The following ST8SIA1 variants were observed in gnomAD, a reference collection of about 807,000 sequenced individuals.
ST8SIA1 encodes the protein alpha-N-acetylneuraminide alpha-2,8-sialyltransferase.
In ST8SIA1, 16 loss-of-function variants were observed where a neutral mutation model predicts 35.9. The ratio of observed to expected loss-of-function variants is 0.45; its 90% confidence interval spans 0.30 to 0.68. The LOEUF is 0.68. Among genes scored for constraint, ST8SIA1 ranks in the 30% least tolerant of loss-of-function variants. ST8SIA1 has a pLI of 0.09. For synonymous variants in ST8SIA1, 170 were observed against 169.6 expected (o/e 1.00, Z -0.02); for missense variants, 383 against 453.6 (o/e 0.84, Z 1.41).
At chr12:22,272,815 T>TCACTG (rs1359586680) in intron 2 of ST8SIA1, among the ~76,000 whole-genome samples, 1 of 152,236 alleles carries the variant, frequency 6.6e-6, no homozygotes, top group Non-Finnish European at 1.5e-5. Flanking sequence ...TTTTGCTCTG[T>TCACTG]CACTGCACTC....
At chr12:22,207,797 C>G (rs1865129583) in intron 4 of ST8SIA1, among the ~76,000 whole-genome samples, 2 of 151,816 alleles carry the variant, frequency 1.3e-5, no homozygotes, top group African/African-American at 4.8e-5. Flanking sequence ...ATTCACAAGT[C>G]CACAATCATA....
chr12:22,273,813 G>A (rs570689164), intron 2 of ST8SIA1, among the ~76,000 whole-genome samples: 8 of 152,250 alleles, frequency 5.3e-5, no homozygotes, highest in Non-Finnish European at 1.0e-4. Context: ...CAAGCACTAT[G>A]CTACAAACTG....
chr12:22,256,440 G>A (rs1274187835), intron 2 of ST8SIA1, among the ~76,000 whole-genome samples: 2 of 152,192 alleles, frequency 1.3e-5, no homozygotes, highest in Admixed American at 6.5e-5. Flanking sequence ...TTGCTGAAAC[G>A]ACGCAGAGCA....
At chr12:22,227,366 C>T (rs886149169) in intron 4 of ST8SIA1, among the ~76,000 whole-genome samples, 2 of 151,778 alleles carry the variant, frequency 1.3e-5, no homozygotes, top group Non-Finnish European at 2.9e-5. Context: ...ACGAGGTCAG[C>T]AGTTCGAGAC....
intron 2 of ST8SIA1, among the ~76,000 whole-genome samples, chr12:22,267,239 C>A (rs1475680742): frequency 6.6e-6 from 1 of 152,164 alleles, no homozygotes; most frequent in Non-Finnish European, 1.5e-5. Flanking sequence ...GTAAGTAATG[C>A]AGCAGACTGC....
intron 1 of ST8SIA1, among the ~76,000 whole-genome samples, chr12:22,288,618 G>C (rs978212257): frequency 6.6e-6 from 1 of 152,168 alleles, no homozygotes; most frequent in Non-Finnish European, 1.5e-5. Context: ...TGCACTCTCT[G>C]AGATCTTCGT....
intron 4 of ST8SIA1, among the ~76,000 whole-genome samples, chr12:22,206,102 G>GA (rs1254759181): frequency 6.6e-6 from 1 of 152,102 alleles, no homozygotes; most frequent in Non-Finnish European, 1.5e-5. Flanking sequence ...TAATAGAATA[G>GA]AAAGGAACAC....
intron 4 of ST8SIA1, among the ~76,000 whole-genome samples, chr12:22,217,608 GAAA>G (rs1865248212): frequency 6.6e-6 from 1 of 152,006 alleles, no homozygotes; most frequent in Non-Finnish European, 1.5e-5. Context: ...TTTCTCATTT[GAAA>G]AAAATAATAA....
rs34650104 is a variant in ST8SIA1, at chr12:22,277,366, CTTT to C, written c.381+9780_381+9782del. Among the ~76,000 whole-genome samples the C allele has an allele frequency of 8.0e-5, 10 of 124,812 alleles. No individual in the cohort carries two copies. In the East Asian group the frequency reaches 9.3e-4, roughly 12 times the overall value. The allele number at this position is 124,812 out of a possible 152,430, so 81.9% of individuals were successfully genotyped here. A position where few individuals can be genotyped will look rare whatever the true frequency, so the allele number is the denominator to read the frequency against. The stretch of plus-strand genomic sequence containing the variant: ...AGAAAGGCAAATTCATAATAGTGAA[CTTT>C]TTTTTTTTTTTTTTTTTGAGATGGA... On this transcript the variant is annotated intron_variant, in intron 2 of 4. Transcript: ENST00000396037.
chr12:22,327,768 TA>T (rs1238409623), intron 1 of ST8SIA1, among the ~76,000 whole-genome samples: 1 of 152,156 alleles, frequency 6.6e-6, no homozygotes, highest in Admixed American at 6.5e-5. Flanking sequence ...TGACCCTCCC[TA>T]ACCAAGACCT....
At chr12:22,228,761 A>C (rs561664105) in intron 4 of ST8SIA1, among the ~76,000 whole-genome samples, 2 of 152,214 alleles carry the variant, frequency 1.3e-5, no homozygotes, top group South Asian at 4.1e-4. Context: ...GATTCCATTT[A>C]AAAATTAGTG....
chr12:22,322,287 G>C (rs186397899), intron 1 of ST8SIA1, among the ~76,000 whole-genome samples: 31 of 152,296 alleles, frequency 2.0e-4, no homozygotes, highest in Admixed American at 9.2e-4. Flanking sequence ...TGTGTGCTGC[G>C]TGCTTGTTTG....
chr12:22,295,652 A>G (rs1344989605), intron 1 of ST8SIA1, among the ~76,000 whole-genome samples: 1 of 152,060 alleles, frequency 6.6e-6, no homozygotes, highest in African/African-American at 2.4e-5. Context: ...GGATTGCTTG[A>G]GCCCAGGAGT....
rs1866581607 is a variant in ST8SIA1, at chr12:22,320,949, GAAAGAA to G, written c.236+13042_236+13047del. 5.4e-5 allele frequency among the ~76,000 whole-genome samples: 4 copies of G among 73,674 alleles called. No homozygotes were observed. The East Asian group carries it at 9.0e-4, about 17-fold the overall frequency. The allele number at this position is 73,674 out of a possible 152,430, so 48.3% of individuals were successfully genotyped here. A position where few individuals can be genotyped will look rare whatever the true frequency, so the allele number is the denominator to read the frequency against. On this transcript the variant is annotated intron_variant, in intron 1 of 4. Coordinates refer to ENST00000396037, the MANE Select transcript of ST8SIA1 (RefSeq NM_003034.4). ...AGGAAGAAAGAAAGAAAGAAAGAAA[GAAAGAA>G]AGAGAAAGAAAGAAAGAAAGAAAGA...
At chr12:22,311,502 G>A (rs931464130) in intron 1 of ST8SIA1, among the ~76,000 whole-genome samples, 2 of 152,078 alleles carry the variant, frequency 1.3e-5, no homozygotes, top group African/African-American at 2.4e-5. Flanking sequence ...AATTGTCTCT[G>A]GCAAAATGAG....
intron 2 of ST8SIA1, among the ~76,000 whole-genome samples, chr12:22,255,935 T>C (rs1865724430): frequency 6.6e-6 from 1 of 152,154 alleles, no homozygotes; most frequent in Non-Finnish European, 1.5e-5. Flanking sequence ...TGAAAACATA[T>C]ACCTAGGTAA....
Position 22,297,063 on chromosome 12 carries a change from C to T in ST8SIA1, c.237-9770G>A, listed in dbSNP as rs1192615504. 3.3e-5 allele frequency among the ~76,000 whole-genome samples: 5 copies of T among 151,918 alleles called. No individual in the cohort carries two copies. In the East Asian group the frequency reaches 9.6e-4, roughly 29 times the overall value. ...GTGCTCCTGAATAGCACTGGGGAGG[C>T]CAGACATTATATAATAGATATAAGA... On this transcript the variant is annotated intron_variant, in intron 1 of 4. Coordinates refer to ENST00000396037, the MANE Select transcript of ST8SIA1 (RefSeq NM_003034.4).
intron 4 of ST8SIA1, among the ~76,000 whole-genome samples, chr12:22,210,300 T>C (rs1479662948): frequency 6.6e-6 from 1 of 152,002 alleles, no homozygotes; most frequent in Non-Finnish European, 1.5e-5. Flanking sequence ...AGGATACACA[T>C]AAAGCTGAAA....
At chr12:22,205,969 G>C (rs1032374822) in intron 4 of ST8SIA1, among the ~76,000 whole-genome samples, 17 of 152,236 alleles carry the variant, frequency 1.1e-4, no homozygotes, top group African/African-American at 4.1e-4. Context: ...ATAAATTGTA[G>C]AGTCTGAATA....
Sources: allele counts gnomAD v4.1 joint callset (sites outside exome capture counted in the v4.1 genomes callset), GRCh38; gene constraint gnomAD v4.1.1; transcripts MANE v1.5; gene names NCBI Gene and HGNC (gene_info 2026-07-23, HGNC 2026-07-21).